Variants in CMIP observed in about 807,000 individuals in gnomAD.
The protein encoded by CMIP is C-Maf-inducing protein.
CMIP carries 13 observed loss-of-function variants against 97.3 expected under a neutral mutation model. The observed-to-expected ratio is 0.13, with a 90% confidence interval of 0.09 to 0.21. The LOEUF is 0.21. Ranked by LOEUF, CMIP falls within the 10% of genes least tolerant of loss-of-function variation. The probability of loss-of-function intolerance (pLI) is 1.00; values close to 1 mark genes in which losing one functional copy is unlikely to be tolerated. For synonymous variants in CMIP, 538 were observed against 436.3 expected (o/e 1.23, Z -2.91); for missense variants, 847 against 1,024.9 (o/e 0.83, Z 2.37).
At chr16:81,599,897 T>C (rs940031459) in intron 1 of CMIP, among the ~76,000 whole-genome samples, 16 of 152,202 alleles carry the variant, frequency 1.1e-4, no homozygotes, top group Non-Finnish European at 1.5e-4. Flanking sequence ...TTGATGAATG[T>C]TAACCACGGG....
At chr16:81,525,666 G>A (rs913849812) in intron 1 of CMIP, among the ~76,000 whole-genome samples, 8 of 152,100 alleles carry the variant, frequency 5.3e-5, no homozygotes, top group Admixed American at 2.0e-4. Flanking sequence ...GTTAAAGTTC[G>A]TTGAGTACAT....
intron 1 of CMIP, among the ~76,000 whole-genome samples, chr16:81,584,002 G>A (rs549949149): frequency 7.2e-5 from 11 of 152,324 alleles, no homozygotes; most frequent in African/African-American, 2.6e-4. Flanking sequence ...TAGGATAGAG[G>A]GCAAGGGAAG....
chr16:81,671,909 C>G lies in CMIP; in HGVS notation c.930-57C>G. The G allele has an allele frequency of 4.4e-6, 4 of 909,002 alleles. 1 individual carries two copies. The South Asian group carries it at 4.4e-5, about 10-fold the overall frequency. 56.3% of individuals were successfully genotyped at this position (909,002 alleles called of 1,614,324 possible). On this transcript the variant is annotated intron_variant, in intron 8 of 20. Transcript: ENST00000537098. ...AACGCCCTCCCTTTCCCCCCTTACC[C>G]TGTCCATGGGCCCCACTCCTGCAGG...
intron 3 of CMIP, among the ~76,000 whole-genome samples, chr16:81,647,334 G>A (rs1466983966): frequency 2.0e-5 from 3 of 152,140 alleles, no homozygotes; most frequent in African/African-American, 7.2e-5. Context: ...GGCCACATTG[G>A]ATTTCTGTTG....
chr16:81,458,476 G>C (rs901356874), intron 1 of CMIP, among the ~76,000 whole-genome samples: 1 of 152,132 alleles, frequency 6.6e-6, no homozygotes, highest in African/African-American at 2.4e-5. Context: ...AGGGGATCCC[G>C]GCTGATCTCA....
Position 81,627,960 on chromosome 16 carries a change from A to T in CMIP, c.477+7034A>T, listed in dbSNP as rs748706573. Among the ~76,000 whole-genome samples, 4 of 152,200 alleles carry T rather than the reference A, an allele frequency of 2.6e-5. No homozygotes were observed. Among genetic ancestry groups the T allele is most frequent in the South Asian group, 2.1e-4 (1 of 4,830 alleles). On this transcript the variant is annotated intron_variant, in intron 3 of 20. Coordinates refer to ENST00000537098, the MANE Select transcript of CMIP (RefSeq NM_198390.3). This position sits in a 1 kb window ranked among gnomAD's most constrained non-coding sequence, Gnocchi z 4.6. ...GGAAGCTGAGGGCAGGGCCTGGGTC[A>T]TGTCCCCACTGGCTGCACCCTCAGG... is the stretch of plus-strand genomic sequence containing the variant.
chr16:81,489,506 C>A (rs536308454), intron 1 of CMIP, among the ~76,000 whole-genome samples: 3 of 152,124 alleles, frequency 2.0e-5, no homozygotes, highest in Non-Finnish European at 4.4e-5. Context: ...TTTGTGAGTC[C>A]CTCTTTCCAA....
intron 10 of CMIP, among the ~76,000 whole-genome samples, chr16:81,680,184 G>A (rs1035823402): frequency 6.6e-6 from 1 of 152,262 alleles, no homozygotes; most frequent in African/African-American, 2.4e-5. Flanking sequence ...GGTGCCTGGG[G>A]TGTTGTCTGT....
At chr16:81,651,611 A>G (rs1404399466) in intron 3 of CMIP, among the ~76,000 whole-genome samples, 3 of 152,326 alleles carry the variant, frequency 2.0e-5, no homozygotes, top group East Asian at 1.9e-4. Context: ...ATAGGCGGAA[A>G]CAGTGCCTTC....
intron 1 of CMIP, among the ~76,000 whole-genome samples, chr16:81,591,957 G>A (rs1482499212): frequency 1.3e-5 from 2 of 151,664 alleles, no homozygotes; most frequent in Non-Finnish European, 2.9e-5. Context: ...CCAGGTAGCT[G>A]GGATTACAGG....
intron 1 of CMIP, among the ~76,000 whole-genome samples, chr16:81,544,201 C>T (rs7198651): frequency 0.067 from 10,181 of 152,264 alleles, 1,106 homozygotes; most frequent in African/African-American, 0.23. Flanking sequence ...TGTGAACTCA[C>T]GGAGACAGAC....
chr16:81,507,034 C>T (rs1046302972), intron 1 of CMIP, among the ~76,000 whole-genome samples: 11 of 152,124 alleles, frequency 7.2e-5, no homozygotes, highest in Admixed American at 4.6e-4. Flanking sequence ...AGGTGGATCA[C>T]GAGGTCAGGA....
intron 1 of CMIP, among the ~76,000 whole-genome samples, chr16:81,501,458 G>A (rs1428055555): frequency 8.5e-5 from 13 of 152,132 alleles, no homozygotes; most frequent in African/African-American, 2.9e-4. Context: ...TGACTTATAA[G>A]GTTACGCTAT....
At chr16:81,694,101 A>G (rs531143705) in intron 13 of CMIP, among the ~76,000 whole-genome samples, 1 of 152,320 alleles carries the variant, frequency 6.6e-6, no homozygotes, top group South Asian at 2.1e-4. Flanking sequence ...GGTCACACAC[A>G]TTCCTTTTCT....
intron 1 of CMIP, among the ~76,000 whole-genome samples, chr16:81,549,672 CT>C (rs949965121): frequency 4.6e-5 from 7 of 152,188 alleles, no homozygotes; most frequent in African/African-American, 1.4e-4. Context: ...GAAATCGCCC[CT>C]AAAGGACACA....
intron 3 of CMIP, among the ~76,000 whole-genome samples, chr16:81,645,096 G>A (rs2150994871): frequency 6.6e-6 from 1 of 152,382 alleles, no homozygotes; most frequent in South Asian, 2.1e-4. Context: ...TAACTGTAAT[G>A]TTACGATGTG....
intron 9 of CMIP, among the ~76,000 whole-genome samples, chr16:81,677,584 A>G (rs1304728479): frequency 1.3e-5 from 2 of 152,216 alleles, no homozygotes; most frequent in Admixed American, 1.3e-4. Flanking sequence ...TAAGAGGCCT[A>G]ATTTCATCTT....
Position 81,453,115 on chromosome 16 carries a change from G to A in CMIP, c.300+7574G>A, listed in dbSNP as rs779219646. ...AGGAAGGGGTGAGGGGAAGTGTGTC[G>A]GCAAAGACCCTTGCAGCTGGCTCAG... On this transcript the variant is annotated intron_variant, in intron 1 of 20. Coordinates refer to ENST00000537098, the MANE Select transcript of CMIP (RefSeq NM_198390.3). The surrounding 1 kb of genome is among the most constrained non-coding windows in gnomAD (Gnocchi z 4.0). Among the ~76,000 whole-genome samples the A allele has an allele frequency of 2.0e-5, 3 of 152,062 alleles. No homozygotes were observed. The highest frequency in any genetic ancestry group is 2.9e-5 in the Non-Finnish European group (2 of 68,008).
intron 1 of CMIP, among the ~76,000 whole-genome samples, chr16:81,597,060 T>C (rs1158750308): frequency 1.3e-5 from 2 of 152,230 alleles, no homozygotes; most frequent in Non-Finnish European, 2.9e-5. Context: ...CTTCTCTTGA[T>C]GGTCATTTGG....
Sources: gnomAD v4.1 joint callset for allele counts (sites outside exome capture counted in the v4.1 genomes callset) on GRCh38, gnomAD v4.1.1 for gene constraint, Gnocchi (gnomAD v3.1) non-coding constraint, MANE v1.5 for transcripts, NCBI Gene and HGNC (gene_info 2026-07-23, HGNC 2026-07-21) for gene names.